The following PTPN12 variants were observed in gnomAD, a reference collection of about 807,000 sequenced individuals.
The protein encoded by PTPN12 is tyrosine-protein phosphatase non-receptor type 12.
A neutral mutation model predicts 97.6 loss-of-function variants in PTPN12; 29 were observed. The observed-to-expected ratio is 0.30, with a 90% CI of 0.22 to 0.41. The LOEUF is 0.41. PTPN12 is among the 10% of genes least tolerant of loss of function. The probability of loss-of-function intolerance (pLI) is 1.00; values close to 1 mark genes in which losing one functional copy is unlikely to be tolerated. For synonymous variants in PTPN12, 327 were observed against 300.4 expected (o/e 1.09, Z -0.91); for missense variants, 819 against 926.0 (o/e 0.88, Z 1.50).
intron 8 of PTPN12, among the ~76,000 whole-genome samples, chr7:77,603,000 G>A (rs773483877): frequency 2.6e-5 from 4 of 152,088 alleles, no homozygotes; most frequent in African/African-American, 4.8e-5. Context: ...TGGTTTGACC[G>A]TAATGCTCAT....
intron 1 of PTPN12, among the ~76,000 whole-genome samples, chr7:77,548,291 C>T (rs571980063): frequency 5.3e-5 from 8 of 152,228 alleles, no homozygotes; most frequent in Admixed American, 3.9e-4. Context: ...GATTCCTCAG[C>T]GAATTGAGTT....
chr7:77,558,789 G>A (rs1001333662), intron 1 of PTPN12, among the ~76,000 whole-genome samples: 4 of 152,200 alleles, frequency 2.6e-5, no homozygotes, highest in South Asian at 2.1e-4. Flanking sequence ...TTGGGAGGCC[G>A]AGGCAGGAGG....
At chr7:77,607,746 C>CTTTTTTTTTTT (rs58355876) in intron 9 of PTPN12, among the ~76,000 whole-genome samples, 1 of 142,714 alleles carries the variant, frequency 7.0e-6, no homozygotes. Context: ...TTTTCATTGC[C>CTTTTTTTTTTT]TTTTTTTTTT....
chr7:77,585,620 G>T, intron 5 of PTPN12, 39 bp downstream of exon 5: 2 of 1,504,170 alleles, frequency 1.3e-6, no homozygotes, highest in Non-Finnish European at 1.8e-6. Context: ...TCATTTTTAC[G>T]GATAAATATT....
At chr7:77,600,911 C>A (rs1244617425) in intron 8 of PTPN12, 105 bp downstream of exon 8, 2 of 1,030,320 alleles carry the variant, frequency 1.9e-6, no homozygotes, top group Non-Finnish European at 2.8e-6. Context: ...TTCTCCTAGC[C>A]TTGATACAAT....
Position 77,600,676 on chromosome 7 carries a change from C to T in PTPN12, c.565C>T (p.Leu189=). The stretch of plus-strand genomic sequence containing the variant: ...GTTTTTCTTGAAGGAATCTCGTAGG[C>T]TGTATCAGTTTCATTATGTGAACTG... ...LLEFQNESRR[L]YQFHYVNWPD... Residue 189 remains leucine, a synonymous_variant, in exon 8 of 18, where the codon CTG becomes TTG. Transcript: ENST00000248594. 3 of 1,600,720 alleles carry T rather than the reference C, an allele frequency of 1.9e-6. No homozygotes were observed. Among genetic ancestry groups the T allele is most frequent in the Non-Finnish European group, 2.6e-6 (3 of 1,175,912 alleles).
intron 12 of PTPN12, among the ~76,000 whole-genome samples, chr7:77,625,514 T>TCTCTCTCTCTCTCTCTCTCTCTCTCG (rs1789128947): frequency 9.5e-6 from 1 of 105,634 alleles, no homozygotes; most frequent in Non-Finnish European, 2.0e-5. Context: ...TCTCTCTCTC[T>TCTCTCTCTCTCTCTCTCTCTCTCTCG]CTCTCTCTCA....
intron 1 of PTPN12, among the ~76,000 whole-genome samples, chr7:77,567,646 G>A (rs940760684): frequency 3.9e-5 from 6 of 152,152 alleles, no homozygotes; most frequent in Non-Finnish European, 5.9e-5. Context: ...GGCCCTCCAG[G>A]TGATTCTGAA....
intron 11 of PTPN12, among the ~76,000 whole-genome samples, chr7:77,617,406 A>T (rs1449111899): frequency 6.6e-6 from 1 of 152,130 alleles, no homozygotes; most frequent in African/African-American, 2.4e-5. Context: ...AAAACTATTA[A>T]TTCATCAGAT....
chr7:77,631,349 G>T (rs1239845991), intron 13 of PTPN12, among the ~76,000 whole-genome samples: 1 of 152,192 alleles, frequency 6.6e-6, no homozygotes, highest in Non-Finnish European at 1.5e-5. Context: ...CACCTCATGC[G>T]TGTTGAAAAT....
intron 3 of PTPN12, 29 bp from the exon 4 acceptor site, chr7:77,583,526 A>G: frequency 7.3e-7 from 1 of 1,369,870 alleles, no homozygotes. Context: ...ATCAAAATAA[A>G]TGTGAAATTT....
intron 14 of PTPN12, among the ~76,000 whole-genome samples, chr7:77,635,027 T>C (rs1339496422): frequency 6.6e-6 from 1 of 152,150 alleles, no homozygotes; most frequent in South Asian, 2.1e-4. Context: ...ATTTTTTTAT[T>C]AGAGATAGGG....
chr7:77,614,810 T>C (rs1461313626), intron 11 of PTPN12, among the ~76,000 whole-genome samples: 1 of 152,204 alleles, frequency 6.6e-6, no homozygotes, highest in Non-Finnish European at 1.5e-5. Context: ...ATTTAGAAGC[T>C]ATGCTGTGAG....
chr7:77,561,328 C>T lies in PTPN12; in HGVS notation c.100-9750C>T, dbSNP rs531684520. 2.0e-5 allele frequency among the ~76,000 whole-genome samples: 3 copies of T among 152,230 alleles called. No homozygotes were observed. In the South Asian group the frequency reaches 6.2e-4, roughly 32 times the overall value. ...GTTGAATCATCTATATGAAATACTT[C>T]ATAGGAATTGAAGCTATTAAGATTT... is the stretch of plus-strand genomic sequence containing the variant. On this transcript the variant is annotated intron_variant, in intron 1 of 17. Transcript: ENST00000248594.
intron 11 of PTPN12, among the ~76,000 whole-genome samples, chr7:77,611,962 T>C (rs928633671): frequency 6.6e-6 from 1 of 151,786 alleles, no homozygotes; most frequent in Non-Finnish European, 1.5e-5. Context: ...ATAACCACCT[T>C]GTCCCTGAAG....
At chr7:77,636,923 A>T in intron 15 of PTPN12, 95 bp from the exon 16 acceptor site, 2 of 867,604 alleles carry the variant, frequency 2.3e-6, no homozygotes, top group Non-Finnish European at 3.5e-6. Context: ...ATAGGCCTTG[A>T]TTTCTTGGGA....
intron 5 of PTPN12, among the ~76,000 whole-genome samples, chr7:77,587,511 A>G (rs1357267420): frequency 6.6e-6 from 1 of 152,230 alleles, no homozygotes; most frequent in African/African-American, 2.4e-5. Context: ...GCTGACATCC[A>G]GGCCTTACTC....
At chr7:77,584,666 A>G (rs1787629136) in intron 4 of PTPN12, among the ~76,000 whole-genome samples, 1 of 152,194 alleles carries the variant, frequency 6.6e-6, no homozygotes, top group African/African-American at 2.4e-5. Flanking sequence ...TCACGAGGTC[A>G]GGAGATCGAG....
intron 1 of PTPN12, among the ~76,000 whole-genome samples, chr7:77,541,969 A>T (rs1051063113): frequency 6.6e-6 from 1 of 151,714 alleles, no homozygotes; most frequent in East Asian, 1.9e-4. Flanking sequence ...AGATAAATGT[A>T]TAAAGTAGGG....
Sources: allele counts gnomAD v4.1 joint callset (sites outside exome capture counted in the v4.1 genomes callset), GRCh38; gene constraint gnomAD v4.1.1; transcripts MANE v1.5; gene names NCBI Gene and HGNC (gene_info 2026-07-23, HGNC 2026-07-21).